Variants in CTHRC1 observed in about 807,000 individuals in gnomAD.
CTHRC1 encodes the protein collagen triple helix repeat containing 1.
CTHRC1 carries 21 observed loss-of-function variants against 25.9 expected under a neutral mutation model. The observed-to-expected ratio is 0.81, with a 90% confidence interval of 0.57 to 1.17. The LOEUF is 1.17. CTHRC1 is among the 50% of genes most tolerant of loss of function. The pLI is 0.00. For synonymous variants in CTHRC1, 109 were observed against 113.1 expected (o/e 0.96, Z 0.23); for missense variants, 281 against 304.3 (o/e 0.92, Z 0.57).
At chr8:103,373,962 A>G (rs1393707802) in intron 1 of CTHRC1, among the ~76,000 whole-genome samples, 1 of 152,158 alleles carries the variant, frequency 6.6e-6, no homozygotes, top group Non-Finnish European at 1.5e-5. Flanking sequence ...AAATTACTAA[A>G]ATAAAAATAA....
chr8:103,371,670 G>T lies in CTHRC1; in HGVS notation c.14G>T (p.Gly5Val). Residue 5 changes from glycine to valine, a missense_variant, in exon 1 of 4, where the codon GGC (glycine) becomes GTC (valine). Physicochemically the swap from Gly to Val is moderately radical, Grantham distance 109 (BLOSUM62 -3). Transcript: ENST00000330295. MRPQ[G>V]PAASPQRLRG... ...CAGCCGGGAGCCATGCGACCCCAGG[G>T]CCCCGCCGCCTCCCCGCAGCGGCTC... The T allele has an allele frequency of 6.5e-7, 1 of 1,534,300 alleles. No individual in the cohort carries two copies. The highest frequency in any genetic ancestry group is 1.2e-5 in the South Asian group (1 of 82,448).
rs1047154886 is a variant in CTHRC1 at position 103,371,765 on chromosome 8, A to G, written c.109A>G (p.Lys37Glu). Residue 37 changes from lysine (K) to glutamate (E), a missense_variant, in exon 1 of 4, where the codon AAG becomes GAG. Coordinates refer to ENST00000330295, the MANE Select transcript of CTHRC1 (RefSeq NM_138455.4). ...GAGCGCCTCTGAGATCCCCAAGGGGAAGCAAAAGGCGCAGCTCCGGCAGAG... is the reference window on the plus strand; with the variant it reads ...GAGCGCCTCTGAGATCCCCAAGGGGGAGCAAAAGGCGCAGCTCCGGCAGAG... The part of the protein sequence containing the change: ...PSSASEIPKG[K>E]QKAQLRQREV... 56 of 1,534,078 alleles carry G rather than the reference A, an allele frequency of 3.7e-5. No individual in the cohort carries two copies. In the East Asian group the frequency reaches 1.4e-3, roughly 39 times the overall value.
In CTHRC1 at chr8:103,382,515, G is replaced by C. The variant is rs778614680; in HGVS notation, c.647G>C (p.Gly216Ala). The change falls in exon 4 of 4, where the codon GGT becomes GCT. Residue 216 changes from glycine to alanine, a missense_variant. Physicochemically the swap from Gly to Ala is moderately conservative, Grantham distance 60. Coordinates refer to ENST00000330295, the MANE Select transcript of CTHRC1 (RefSeq NM_138455.4). ...AGLVDVAIWV[G>A]TCSDYPKGDA... The stretch of plus-strand genomic sequence containing the variant: ...TTAGTGGATGTTGCTATCTGGGTTG[G>C]TACTTGTTCAGATTACCCAAAAGGA... 1 of 1,613,408 alleles carries C rather than the reference G, an allele frequency of 6.2e-7. No individual in the cohort carries two copies.
At chr8:103,373,403 A>G (rs1192163295) in intron 1 of CTHRC1, among the ~76,000 whole-genome samples, 1 of 151,924 alleles carries the variant, frequency 6.6e-6, no homozygotes, top group Non-Finnish European at 1.5e-5. Context: ...GTGGCCAGTG[A>G]AAGAAACAGG....
chr8:103,372,562 C>G, intron 1 of CTHRC1: 1 of 1,598,330 alleles, frequency 6.3e-7, no homozygotes, highest in South Asian at 1.1e-5. Context: ...ATGTGGCCGC[C>G]AGGTAGGAGC....
intron 1 of CTHRC1, 70 bp from the exon 2 acceptor site, chr8:103,375,668 T>C: frequency 7.5e-7 from 1 of 1,327,984 alleles, no homozygotes; most frequent in Non-Finnish European, 1.1e-6. Context: ...AATAAATGCA[T>C]TTCTAATCAT....
intron 3 of CTHRC1, among the ~76,000 whole-genome samples, 178 bp from the exon 4 acceptor site, chr8:103,382,280 T>C (rs772748270): frequency 1.3e-5 from 2 of 152,208 alleles, no homozygotes; most frequent in Non-Finnish European, 2.9e-5. Context: ...TTAAAAATAT[T>C]TATGTACCAA....
chr8:103,372,474 C>T, intron 1 of CTHRC1: 1 of 1,586,554 alleles, frequency 6.3e-7, no homozygotes, highest in Non-Finnish European at 8.5e-7. Context: ...GGGCCCGGCG[C>T]TAACCCTCTA....
At chr8:103,373,323 A>G (rs746763893) in intron 1 of CTHRC1, among the ~76,000 whole-genome samples, 1 of 152,204 alleles carries the variant, frequency 6.6e-6, no homozygotes, top group Non-Finnish European at 1.5e-5. Flanking sequence ...AACAGATTCT[A>G]TAAAGCAACT....
At chr8:103,371,839 C>T in intron 1 of CTHRC1, 33 bp downstream of exon 1, 1 of 1,474,756 alleles carries the variant, frequency 6.8e-7, no homozygotes, top group Non-Finnish European at 9.0e-7. Context: ...GGGACCGCCG[C>T]GCTGGTGGAG....
rs140375839 is a variant in CTHRC1 at position 103,379,239 on chromosome 8, T to C, written c.589+996T>C. Among the ~76,000 whole-genome samples the C allele has an allele frequency of 1.3e-4, 20 of 152,238 alleles. 1 individual carries two copies. The highest frequency in any genetic ancestry group is 4.6e-4 in the African/African-American group (19 of 41,504). On this transcript the variant is annotated intron_variant, in intron 3 of 3. Coordinates refer to ENST00000330295, the MANE Select transcript of CTHRC1 (RefSeq NM_138455.4). ...ATCATTGGGTTGTTTTATGTACTTA[T>C]GTATTTGTTTATTTATTTATTTATT...
In CTHRC1 at chr8:103,382,654, A is replaced by G; in HGVS notation, c.*54A>G. 7.0e-7 allele frequency: 1 copy of G among 1,437,314 alleles called. No homozygotes were observed. Among genetic ancestry groups the G allele is most frequent in the Non-Finnish European group, 9.8e-7 (1 of 1,019,634 alleles). The allele number at this position is 1,437,314 out of a possible 1,614,324, so 89.0% of individuals were successfully genotyped here. A position where few individuals can be genotyped will look rare whatever the true frequency, so the allele number is the denominator to read the frequency against. On this transcript the variant is annotated 3_prime_UTR_variant, in exon 4 of 4. Transcript: ENST00000330295. ...TTTTTATTATGCCTTGGAATGGTTC[A>G]CTTAAATGACATTTTAAATAAGTTT...
At chr8:103,372,640 AG>A in intron 1 of CTHRC1, 1 of 1,598,116 alleles carries the variant, frequency 6.3e-7, no homozygotes, top group African/African-American at 1.3e-5. Context: ...AGTGCTTTCC[AG>A]GGGCTCATCT....
chr8:103,372,108 C>T (rs926170348), intron 1 of CTHRC1, among the ~76,000 whole-genome samples: 16 of 152,216 alleles, frequency 1.1e-4, no homozygotes, highest in African/African-American at 3.9e-4. Context: ...TAATTTCTGG[C>T]CCCAGGGGGA....
intron 3 of CTHRC1, among the ~76,000 whole-genome samples, chr8:103,381,336 A>C (rs1172209953): frequency 2.0e-5 from 3 of 150,840 alleles, no homozygotes; most frequent in African/African-American, 7.3e-5. Context: ...ATGAGTGAGC[A>C]AACTATCACA....
intron 2 of CTHRC1, chr8:103,377,263 G>T (rs1815820126): frequency 6.6e-6 from 1 of 152,236 alleles, no homozygotes; most frequent in South Asian, 2.1e-4. Flanking sequence ...TGCTCGAAAA[G>T]AAACACGTCA....
intron 3 of CTHRC1, among the ~76,000 whole-genome samples, chr8:103,379,306 C>A (rs369836846): frequency 1.3e-5 from 2 of 152,046 alleles, no homozygotes; most frequent in South Asian, 2.1e-4. Context: ...CTGGAGTACA[C>A]TGGCAGGATC....
At position 103,378,024 on chromosome 8, in the gene CTHRC1, C is replaced by T. The variant is rs1815839480; in HGVS notation, c.373-3C>T. The T allele has an allele frequency of 1.2e-6, 2 of 1,604,446 alleles. No individual in the cohort carries two copies. The highest frequency in any genetic ancestry group is 1.7e-6 in the Non-Finnish European group (2 of 1,171,158). ...TTAAATCCCATTTCTATGTTTGTGA[C>T]AGGAGTGTACATTTACAAAGATGCG... is the stretch of plus-strand genomic sequence containing the variant. On this transcript the variant is annotated splice_region_variant and splice_polypyrimidine_tract_variant and intron_variant, in intron 2 of 3. Transcript: ENST00000330295.
Position 103,371,601 on chromosome 8 carries a change from T to C in CTHRC1, c.-56T>C. 6.6e-7 allele frequency: 1 copy of C among 1,517,152 alleles called. No homozygotes were observed. Among genetic ancestry groups the C allele is most frequent in the Non-Finnish European group, 8.8e-7 (1 of 1,133,626 alleles). 94.0% of individuals were successfully genotyped at this position (1,517,152 alleles called of 1,614,324 possible). ...GCGGCGGAGCCAGACGCTGACCACG[T>C]TCCTCTCCTCGGTCTCCTCCGCCTC... On this transcript the variant is annotated 5_prime_UTR_variant, in exon 1 of 4. Coordinates refer to ENST00000330295, the MANE Select transcript of CTHRC1 (RefSeq NM_138455.4).
Sources: allele counts gnomAD v4.1 joint callset (sites outside exome capture counted in the v4.1 genomes callset), GRCh38; gene constraint gnomAD v4.1.1; transcripts MANE v1.5; gene names NCBI Gene and HGNC (gene_info 2026-07-23, HGNC 2026-07-21).